The following CSMD2 variants were observed in gnomAD, a reference collection of about 807,000 sequenced individuals.
The protein encoded by CSMD2 is CUB and Sushi multiple domains 2.
A neutral mutation model predicts 398.5 loss-of-function variants in CSMD2; 130 were observed. The ratio of observed to expected loss-of-function variants is 0.33; its 90% CI spans 0.28 to 0.38. The LOEUF is 0.38. CSMD2 is among the 10% of genes least tolerant of loss of function. The pLI is 1.00. For synonymous variants in CSMD2, 1,828 were observed against 1,908.5 expected, an observed-to-expected ratio of 0.96 and a Z score of 1.10; for missense variants, 3,829 against 4,764.9, an observed-to-expected ratio of 0.80 and a Z score of 5.78.
chr1:33,704,964 G>T (rs936304926), intron 22 of CSMD2, among the ~76,000 whole-genome samples: 1 of 150,968 alleles, frequency 6.6e-6, no homozygotes, highest in Non-Finnish European at 1.5e-5. Flanking sequence ...ACTAGAGACA[G>T]GGTTTCACTG....
At chr1:34,146,786 G>A (rs1456052566) in intron 1 of CSMD2, among the ~76,000 whole-genome samples, 1 of 152,176 alleles carries the variant, frequency 6.6e-6, no homozygotes, top group East Asian at 1.9e-4. Context: ...AAGTTTGGGA[G>A]AGTAAAGTTT....
At chr1:33,994,890 C>G (rs1269589269) in intron 3 of CSMD2, among the ~76,000 whole-genome samples, 2 of 151,828 alleles carry the variant, frequency 1.3e-5, no homozygotes, top group East Asian at 3.9e-4. Flanking sequence ...ACAGTGAAAC[C>G]CCATCTCTAC....
intron 1 of CSMD2, among the ~76,000 whole-genome samples, chr1:34,134,882 A>T (rs760333134): frequency 6.6e-6 from 1 of 152,252 alleles, no homozygotes; most frequent in Non-Finnish European, 1.5e-5. Flanking sequence ...TCTGATTTCC[A>T]TCAGATTCGC....
intron 6 of CSMD2, among the ~76,000 whole-genome samples, chr1:33,843,422 C>G (rs999355913): frequency 6.6e-6 from 1 of 152,256 alleles, no homozygotes; most frequent in African/African-American, 2.4e-5. Flanking sequence ...TTTTGTTTAT[C>G]TGGGAAAAAA....
intron 1 of CSMD2, among the ~76,000 whole-genome samples, chr1:34,094,095 G>A (rs1468899210): frequency 2.0e-5 from 3 of 152,152 alleles, no homozygotes; most frequent in Non-Finnish European, 4.4e-5. Context: ...GAGAGTGGGG[G>A]CCAATATTCA....
intron 2 of CSMD2, among the ~76,000 whole-genome samples, chr1:34,081,813 G>T (rs1657179220): frequency 1.3e-5 from 2 of 152,064 alleles, no homozygotes; most frequent in African/African-American, 4.8e-5. Flanking sequence ...GCCTCTGCAT[G>T]GCCGCCACCC....
chr1:33,898,652 C>T (rs1416780432), intron 5 of CSMD2, among the ~76,000 whole-genome samples: 2 of 151,988 alleles, frequency 1.3e-5, no homozygotes, highest in African/African-American at 4.8e-5. Flanking sequence ...TAATTACTTG[C>T]TAAGGCACCA....
At chr1:33,721,758 T>G (rs937371246) in intron 19 of CSMD2, among the ~76,000 whole-genome samples, 61 of 152,230 alleles carry the variant, frequency 4.0e-4, no homozygotes, top group Non-Finnish European at 8.7e-4. Context: ...GTGACACACT[T>G]AAGTACATGT....
chr1:34,066,017 AT>A (rs1314896206), intron 2 of CSMD2, among the ~76,000 whole-genome samples: 1 of 152,196 alleles, frequency 6.6e-6, no homozygotes, highest in Admixed American at 6.5e-5. Context: ...GACCACCTGG[AT>A]CAGCCAGCTG....
At chr1:34,108,913 A>G (rs1660779387) in intron 1 of CSMD2, among the ~76,000 whole-genome samples, 1 of 152,132 alleles carries the variant, frequency 6.6e-6, no homozygotes, top group South Asian at 2.1e-4. Flanking sequence ...ACAGAGGAGG[A>G]CAGGTGGGAG....
At chr1:33,567,499 A>ATATATATATATAT (rs1284357279) in intron 53 of CSMD2, 94 bp downstream of exon 53, 23 of 1,014,154 alleles carry the variant, frequency 2.3e-5, no homozygotes, top group East Asian at 2.8e-5. Flanking sequence ...ATATATATTT[A>ATATATATATATAT]AAACAAACCT....
At chr1:33,809,088 A>C (rs1421939735) in intron 10 of CSMD2, among the ~76,000 whole-genome samples, 1 of 152,030 alleles carries the variant, frequency 6.6e-6, no homozygotes, top group African/African-American at 2.4e-5. Context: ...TTTGCTGAAA[A>C]ATTCTACCAA....
chr1:33,705,270 C>G (rs943740844), intron 22 of CSMD2, among the ~76,000 whole-genome samples: 3 of 152,214 alleles, frequency 2.0e-5, no homozygotes, highest in Admixed American at 6.5e-5. Flanking sequence ...GAAATTTACT[C>G]TTTTAGTGAT....
At chr1:33,576,166 A>G (rs1460491003) in intron 49 of CSMD2, among the ~76,000 whole-genome samples, 1 of 152,256 alleles carries the variant, frequency 6.6e-6, no homozygotes, top group Admixed American at 6.5e-5. Flanking sequence ...ATTCATAAAG[A>G]TGGAATTATA....
intron 25 of CSMD2, among the ~76,000 whole-genome samples, chr1:33,686,998 A>C (rs1300813284): frequency 1.3e-5 from 2 of 152,166 alleles, no homozygotes; most frequent in Non-Finnish European, 2.9e-5. Flanking sequence ...ATATATGTTC[A>C]CTCAATCTTC....
At chr1:33,740,192 A>G (rs749644181) in intron 14 of CSMD2, among the ~76,000 whole-genome samples, 5 of 152,108 alleles carry the variant, frequency 3.3e-5, no homozygotes, top group African/African-American at 4.8e-5. Context: ...CCTCCTCTGC[A>G]TGGGAAGATA....
chr1:34,086,750 C>G (rs565547261), intron 2 of CSMD2, among the ~76,000 whole-genome samples: 2 of 152,294 alleles, frequency 1.3e-5, no homozygotes, highest in African/African-American at 2.4e-5. Flanking sequence ...ATTTTCCCCA[C>G]GATGGCAAAG....
At chr1:33,786,587 A>G (rs1653569795) in intron 12 of CSMD2, among the ~76,000 whole-genome samples, 2 of 152,170 alleles carry the variant, frequency 1.3e-5, no homozygotes, top group African/African-American at 4.8e-5. Context: ...TTATGTTCAC[A>G]TTTCTTAATC....
At chr1:33,704,114 G>A (rs1645697368) in intron 22 of CSMD2, among the ~76,000 whole-genome samples, 1 of 151,972 alleles carries the variant, frequency 6.6e-6, no homozygotes, top group Admixed American at 6.6e-5. Flanking sequence ...CTTATTTCTA[G>A]GTGTCTTACA....
Sources: allele counts gnomAD v4.1 joint callset (sites outside exome capture counted in the v4.1 genomes callset), GRCh38; gene constraint gnomAD v4.1.1; transcripts MANE v1.5; gene names NCBI Gene and HGNC (gene_info 2026-07-23, HGNC 2026-07-21).